Variants in DLG2 observed in about 807,000 individuals in gnomAD.
DLG2 encodes disks large homolog 2.
Under a neutral mutation model 132.5 loss-of-function variants are expected in DLG2, and 45 were observed. That is an observed-to-expected ratio of 0.34 (90% CI 0.27 to 0.44). The LOEUF (loss-of-function observed/expected upper bound fraction) is 0.44. DLG2 is among the 20% of genes least tolerant of loss of function. The pLI is 1.00. For missense variants in DLG2, 1,045 were observed against 1,196.9 expected (o/e 0.87, Z 1.87); for synonymous variants, 424 against 419.6 (o/e 1.01, Z -0.13).
chr11:84,512,888 C>T (rs1360359770), intron 7 of DLG2, among the ~76,000 whole-genome samples: 1 of 151,696 alleles, frequency 6.6e-6, no homozygotes, highest in East Asian at 1.9e-4. Flanking sequence ...GACACAGGAA[C>T]AGAAAACCAA....
At chr11:84,688,550 T>C (rs2057637070) in intron 6 of DLG2, among the ~76,000 whole-genome samples, 2 of 152,252 alleles carry the variant, frequency 1.3e-5, no homozygotes, top group Admixed American at 6.5e-5. Context: ...ATTGGAGATA[T>C]GAAGATAAAT....
At chr11:85,222,611 G>A (rs765695412) in intron 4 of DLG2, among the ~76,000 whole-genome samples, 2 of 152,144 alleles carry the variant, frequency 1.3e-5, no homozygotes, top group African/African-American at 4.8e-5. Context: ...TTGGACCAAG[G>A]TCCACAGATT....
intron 19 of DLG2, among the ~76,000 whole-genome samples, chr11:83,623,608 T>C (rs1473222350): frequency 6.6e-6 from 1 of 152,264 alleles, no homozygotes; most frequent in African/African-American, 2.4e-5. Context: ...GAGCATGTGC[T>C]TGACTCCAGC....
chr11:85,125,996 T>C (rs1342048262), intron 5 of DLG2, among the ~76,000 whole-genome samples: 5 of 152,140 alleles, frequency 3.3e-5, no homozygotes, highest in Non-Finnish European at 5.9e-5. Flanking sequence ...CATAAAATTT[T>C]AGGAAAGGTA....
chr11:85,548,315 G>A (rs1235068720), intron 3 of DLG2, among the ~76,000 whole-genome samples: 1 of 152,200 alleles, frequency 6.6e-6, no homozygotes, highest in Non-Finnish European at 1.5e-5. Context: ...ATCACTGGTG[G>A]AGGTTGCAGA....
intron 4 of DLG2, among the ~76,000 whole-genome samples, chr11:85,208,875 G>A (rs1272638868): frequency 6.6e-6 from 1 of 152,104 alleles, no homozygotes; most frequent in African/African-American, 2.4e-5. Context: ...GCTCTCCGGG[G>A]AGAGGTGAGA....
intron 4 of DLG2, among the ~76,000 whole-genome samples, chr11:85,181,515 T>C (rs2079701854): frequency 6.6e-6 from 1 of 151,760 alleles, no homozygotes; most frequent in African/African-American, 2.4e-5. Context: ...GCAGGTGTCA[T>C]GTCATATAAT....
chr11:85,345,897 G>C (rs764082044), intron 3 of DLG2, among the ~76,000 whole-genome samples: 17 of 152,072 alleles, frequency 1.1e-4, no homozygotes, highest in Non-Finnish European at 2.4e-4. Context: ...GCCAAATCTG[G>C]TTTGTGTGCT....
chr11:84,965,973 C>A (rs2053258140), intron 6 of DLG2, among the ~76,000 whole-genome samples: 1 of 152,028 alleles, frequency 6.6e-6, no homozygotes, highest in Admixed American at 6.6e-5. Context: ...TACATACTTC[C>A]AAACTGGGAT....
At chr11:85,427,330 T>A (rs966489880) in intron 3 of DLG2, among the ~76,000 whole-genome samples, 2 of 152,110 alleles carry the variant, frequency 1.3e-5, no homozygotes, top group Non-Finnish European at 2.9e-5. Flanking sequence ...ATTGTCAGAT[T>A]CACCAAAGTT....
chr11:84,810,906 G>T (rs1412534764), intron 6 of DLG2, among the ~76,000 whole-genome samples: 4 of 152,104 alleles, frequency 2.6e-5, no homozygotes, highest in African/African-American at 9.7e-5. Flanking sequence ...ACAGATCAGT[G>T]GTTCCCAGAG....
intron 25 of DLG2, among the ~76,000 whole-genome samples, chr11:83,468,222 T>C (rs2091482310): frequency 6.6e-6 from 1 of 152,172 alleles, no homozygotes; most frequent in South Asian, 2.1e-4. Flanking sequence ...GTCCAGTGAA[T>C]ACTTGAAGTC....
intron 6 of DLG2, among the ~76,000 whole-genome samples, chr11:84,660,709 C>A (rs1307765328): frequency 6.6e-6 from 1 of 152,116 alleles, no homozygotes; most frequent in Non-Finnish European, 1.5e-5. Flanking sequence ...CATATGAAAG[C>A]CATTTCATCA....
chr11:83,592,684 A>G (rs1295926281), intron 19 of DLG2, among the ~76,000 whole-genome samples: 1 of 149,518 alleles, frequency 6.7e-6, no homozygotes, highest in African/African-American at 2.5e-5. Context: ...AGCAAAAGAA[A>G]CTACCATCAG....
chr11:84,998,538 A>G (rs2057901416), intron 6 of DLG2, among the ~76,000 whole-genome samples: 1 of 152,038 alleles, frequency 6.6e-6, no homozygotes, highest in African/African-American at 2.4e-5. Context: ...TATAATTTTT[A>G]TCTCTGAATG....
chr11:83,755,431 TATAC>T (rs2093605834), intron 18 of DLG2, among the ~76,000 whole-genome samples: 1 of 151,304 alleles, frequency 6.6e-6, no homozygotes, highest in Non-Finnish European at 1.5e-5. Flanking sequence ...TGAATGTACA[TATAC>T]ATATAGTATT....
intron 7 of DLG2, among the ~76,000 whole-genome samples, chr11:84,408,137 G>C (rs1431877322): frequency 6.6e-6 from 1 of 152,092 alleles, no homozygotes; most frequent in African/African-American, 2.4e-5. Context: ...TGGAGATTCA[G>C]AGAAATTAAC....
intron 6 of DLG2, among the ~76,000 whole-genome samples, chr11:84,859,376 A>C (rs2083262166): frequency 6.8e-6 from 1 of 146,714 alleles, no homozygotes; most frequent in East Asian, 2.0e-4. Flanking sequence ...ATATATACAC[A>C]TATATATGCA....
chr11:84,140,486 T>A (rs1214034552), intron 9 of DLG2, among the ~76,000 whole-genome samples: 1 of 152,176 alleles, frequency 6.6e-6, no homozygotes, highest in Admixed American at 6.5e-5. Context: ...GAGAAAAATG[T>A]CTACAACACA....
Sources: gnomAD v4.1 joint callset for allele counts (sites outside exome capture counted in the v4.1 genomes callset) on GRCh38, gnomAD v4.1.1 for gene constraint, MANE v1.5 for transcripts, NCBI Gene and HGNC (gene_info 2026-07-23, HGNC 2026-07-21) for gene names.